Variants in ARFGEF3 observed in about 807,000 individuals in gnomAD.
ARFGEF3 encodes ARFGEF family member 3.
A neutral mutation model predicts 221.7 loss-of-function variants in ARFGEF3; 96 were observed. The observed-to-expected ratio is 0.43, with a 90% confidence interval of 0.37 to 0.51. The LOEUF (loss-of-function observed/expected upper bound fraction) is 0.51, where lower values mean the gene tolerates loss of function less well. Ranked by LOEUF, ARFGEF3 falls within the 20% of genes least tolerant of loss-of-function variation. The pLI is 0.00. For missense variants in ARFGEF3, 2,410 were observed against 2,789.9 expected (o/e 0.86, Z 3.07); for synonymous variants, 1,145 against 1,126.8 (o/e 1.02, Z -0.32).
intron 18 of ARFGEF3, among the ~76,000 whole-genome samples, chr6:138,290,717 C>A (rs536532625): frequency 2.6e-5 from 4 of 152,336 alleles, no homozygotes; most frequent in Admixed American, 2.6e-4. Context: ...TCCTTCTCTG[C>A]AGCACATGCC....
chr6:138,202,747 G>C (rs147827758), intron 2 of ARFGEF3, among the ~76,000 whole-genome samples: 68 of 151,402 alleles, frequency 4.5e-4, no homozygotes, highest in African/African-American at 1.6e-3. Flanking sequence ...TGTTGTTGCA[G>C]ATACGGTCAG....
chr6:138,255,315 C>A, intron 9 of ARFGEF3, 121 bp from the exon 10 acceptor site: 3 of 653,306 alleles, frequency 4.6e-6, no homozygotes, highest in Non-Finnish European at 5.1e-6. Context: ...CAAAATGTAG[C>A]CAAAAGAAGA....
In ARFGEF3 at chr6:138,194,989, A is replaced by ATTTTTTTTTTTTT. The variant is rs747099029; in HGVS notation, c.138-12034_138-12022dup. 1.3e-4 allele frequency among the ~76,000 whole-genome samples: 11 copies of ATTTTTTTTTTTTT among 84,116 alleles called. 1 individual carries two copies. The highest frequency in any genetic ancestry group is 3.8e-4 in the East Asian group (1 of 2,602). The allele number at this position is 84,116 out of a possible 152,430, so 55.2% of individuals were successfully genotyped here. A position where few individuals can be genotyped will look rare whatever the true frequency, so the allele number is the denominator to read the frequency against. On this transcript the variant is annotated intron_variant, in intron 2 of 33. Coordinates refer to ENST00000251691, the MANE Select transcript of ARFGEF3 (RefSeq NM_020340.5). ...TCAAACTAACTTCACCTTTTCCCTA[A>ATTTTTTTTTTTTT]TTTTTTTTTTTTTTTTTTTTTTTTT...
At chr6:138,206,962 G>A (rs113871324) in intron 2 of ARFGEF3, 80 bp from the exon 3 acceptor site, 3 of 1,014,896 alleles carry the variant, frequency 3.0e-6, no homozygotes, top group East Asian at 2.6e-5. Context: ...GCATTTGGGG[G>A]TGGGTGTACA....
In ARFGEF3 at chr6:138,323,156, G is replaced by A. The variant is rs1036475650; in HGVS notation, c.4767-515G>A. On this transcript the variant is annotated intron_variant, in intron 29 of 33. Transcript: ENST00000251691. ...GTTTAATGATTGGCCTATTTGTAGA[G>A]GGGATCCGTTGATATTTCTATATTA... 3.9e-5 allele frequency among the ~76,000 whole-genome samples: 6 copies of A among 152,266 alleles called. No individual in the cohort carries two copies. The East Asian group carries it at 1.2e-3, about 29-fold the overall frequency.
At chr6:138,305,498 C>T (rs1397007731) in intron 22 of ARFGEF3, among the ~76,000 whole-genome samples, 1 of 151,236 alleles carries the variant, frequency 6.6e-6, no homozygotes, top group Admixed American at 6.6e-5. Context: ...GTAGTCCCAG[C>T]TGCTTAGGAG....
At chr6:138,333,011 C>T (rs1228408180) in intron 32 of ARFGEF3, among the ~76,000 whole-genome samples, 1 of 152,192 alleles carries the variant, frequency 6.6e-6, no homozygotes, top group Non-Finnish European at 1.5e-5. Context: ...ATGTTATTAA[C>T]ATCATGGCTA....
chr6:138,286,123 G>A (rs1336200865), intron 15 of ARFGEF3, 70 bp downstream of exon 15: 2 of 951,202 alleles, frequency 2.1e-6, no homozygotes, highest in Non-Finnish European at 3.3e-6. Context: ...ACATTGTTAT[G>A]TGGTGACTTG....
chr6:138,249,711 A>G (rs980567116), intron 8 of ARFGEF3, among the ~76,000 whole-genome samples: 6 of 152,166 alleles, frequency 3.9e-5, no homozygotes, highest in African/African-American at 1.4e-4. Context: ...GGCTTTAGGC[A>G]TGTTATTTTA....
intron 8 of ARFGEF3, 65 bp downstream of exon 8, chr6:138,245,656 G>C: frequency 8.6e-7 from 1 of 1,160,336 alleles, no homozygotes; most frequent in Non-Finnish European, 1.3e-6. Flanking sequence ...ACCTTTGTCT[G>C]CAGCATCACT....
intron 12 of ARFGEF3, among the ~76,000 whole-genome samples, chr6:138,266,345 A>G (rs1562373493): frequency 6.6e-6 from 1 of 152,034 alleles, no homozygotes; most frequent in African/African-American, 2.4e-5. Flanking sequence ...GGAAGGCAGA[A>G]GGGAAGGGAA....
intron 29 of ARFGEF3, 53 bp downstream of exon 29, chr6:138,321,278 T>G (rs1780022226): frequency 2.9e-6 from 3 of 1,018,222 alleles, no homozygotes; most frequent in Non-Finnish European, 4.3e-6. Flanking sequence ...TATTTAAAAA[T>G]CTAAAGAAAT....
chr6:138,300,991 G>A (rs1196272167), intron 22 of ARFGEF3, among the ~76,000 whole-genome samples: 3 of 152,076 alleles, frequency 2.0e-5, no homozygotes, highest in Admixed American at 2.0e-4. Flanking sequence ...AAATAACCAG[G>A]CTCATTAGGA....
chr6:138,274,441 G>A (rs535488586), intron 12 of ARFGEF3, among the ~76,000 whole-genome samples: 1 of 152,276 alleles, frequency 6.6e-6, no homozygotes, highest in East Asian at 1.9e-4. Context: ...GAGATACACT[G>A]CTCATGTTCT....
chr6:138,183,279 G>A (rs557443526), intron 2 of ARFGEF3, among the ~76,000 whole-genome samples: 10 of 152,272 alleles, frequency 6.6e-5, no homozygotes, highest in Non-Finnish European at 1.3e-4. Context: ...CCAGCAACAC[G>A]ACCTTTGCTG....
intron 4 of ARFGEF3, among the ~76,000 whole-genome samples, chr6:138,227,099 A>C (rs1281853581): frequency 1.3e-5 from 2 of 151,214 alleles, no homozygotes; most frequent in Non-Finnish European, 2.9e-5. Flanking sequence ...GCCAGACATT[A>C]GGTGTGGAAA....
chr6:138,230,573 T>C (rs1222680746), intron 5 of ARFGEF3, among the ~76,000 whole-genome samples: 7 of 152,230 alleles, frequency 4.6e-5, no homozygotes, highest in Non-Finnish European at 1.0e-4. Context: ...TCTGAAATGA[T>C]GGAGAAAAAG....
rs372115115 is a variant in ARFGEF3, at chr6:138,324,136, C to T, written c.4983C>T (p.Ile1661=). 2.5e-5 allele frequency: 40 copies of T among 1,613,744 alleles called. No individual in the cohort carries two copies. The highest frequency in any genetic ancestry group is 3.3e-4 in the Middle Eastern group (2 of 6,062). The change falls in exon 31 of 34, where the codon ATC becomes ATT. Residue 1661 remains isoleucine (I), a synonymous_variant. Coordinates refer to ENST00000251691, the MANE Select transcript of ARFGEF3 (RefSeq NM_020340.5). ...GTGCCGAGGCCGAGTACTGGCGCAT[C>T]CGAGCCATGGCCCAGCAGGTAAGGG... ...SPSAEAEYWR[I]RAMAQQVFML... is the part of the protein sequence containing the mutation.
At chr6:138,298,882 A>C in intron 22 of ARFGEF3, 97 bp downstream of exon 22, 5 of 902,580 alleles carry the variant, frequency 5.5e-6, no homozygotes, top group Non-Finnish European at 8.4e-6. Context: ...CTTTCCAATA[A>C]TCCTATGTGG....
Sources: gnomAD v4.1 joint callset for allele counts (sites outside exome capture counted in the v4.1 genomes callset) on GRCh38, gnomAD v4.1.1 for gene constraint, MANE v1.5 for transcripts, NCBI Gene and HGNC (gene_info 2026-07-23, HGNC 2026-07-21) for gene names.